The following MYH11 variants were observed in gnomAD, a reference collection of about 807,000 sequenced individuals.
The protein encoded by MYH11 is myosin heavy chain 11.
MYH11 carries 80 observed loss-of-function variants against 246.6 expected under a neutral mutation model. The ratio of observed to expected loss-of-function variants is 0.32; its 90% CI spans 0.27 to 0.39. The LOEUF (loss-of-function observed/expected upper bound fraction) is 0.39, where lower values mean the gene tolerates loss of function less well. MYH11 is among the 10% of genes least tolerant of loss of function. The pLI is 1.00. For synonymous variants in MYH11, 1,071 were observed against 1,015.5 expected (o/e 1.05, Z -1.04); for missense variants, 2,158 against 2,546.8 (o/e 0.85, Z 3.29).
intron 3 of MYH11, among the ~76,000 whole-genome samples, chr16:15,810,715 T>G (rs911374508): frequency 2.6e-5 from 4 of 152,324 alleles, no homozygotes; most frequent in Admixed American, 2.6e-4. Context: ...CCAGGGCCCG[T>G]TTCCTCACCA....
chr16:15,789,276 G>T (rs1021799063), intron 4 of MYH11, among the ~76,000 whole-genome samples: 3 of 152,120 alleles, frequency 2.0e-5, no homozygotes, highest in African/African-American at 7.2e-5. Flanking sequence ...GCTTTCTAAG[G>T]CCAGAAGAAG....
rs1418678410 is a variant in MYH11, at chr16:15,719,718, A to T, written c.4954-5T>A. 2 of 1,614,012 alleles carry T rather than the reference A, an allele frequency of 1.2e-6. No homozygotes were observed. Among genetic ancestry groups the T allele is most frequent in the African/African-American group, 2.7e-5 (2 of 74,930 alleles). Reference sequence around the variant, plus strand: ...TTGAAAGTCCTTCATCTGAGCCTGCATGAGTCAACAGGGAGGACAAGCTCA... The same window carrying T: ...TTGAAAGTCCTTCATCTGAGCCTGCTTGAGTCAACAGGGAGGACAAGCTCA... On this transcript the variant is annotated splice_polypyrimidine_tract_variant and splice_region_variant and intron_variant, in intron 34 of 40. Transcript: ENST00000300036.
rs553732137 is a variant in MYH11 at position 15,831,967 on chromosome 16, G to T, written c.345+5941C>A. On this transcript the variant is annotated intron_variant, in intron 2 of 40. Transcript: ENST00000300036. ...AAAAAAAAAGATCAGAAGGGCTAATGCTTGGGGCTTGACAAAGGGCAGCTT... is the reference window on the plus strand; with the variant it reads ...AAAAAAAAAGATCAGAAGGGCTAATTCTTGGGGCTTGACAAAGGGCAGCTT... Among the ~76,000 whole-genome samples the T allele has an allele frequency of 1.4e-3, 209 of 152,054 alleles. 1 individual carries two copies. The highest frequency in any genetic ancestry group is 4.8e-3 in the African/African-American group (198 of 41,498).
intron 4 of MYH11, among the ~76,000 whole-genome samples, chr16:15,787,481 C>CTTTTTTT (rs370002467): frequency 1.7e-5 from 2 of 116,020 alleles, no homozygotes; most frequent in East Asian, 2.8e-4. Context: ...GAATTATCTA[C>CTTTTTTT]TTTTTTTTTT....
chr16:15,747,077 G>C (rs550789075), intron 19 of MYH11, among the ~76,000 whole-genome samples: 1 of 152,114 alleles, frequency 6.6e-6, no homozygotes, highest in African/African-American at 2.4e-5. Context: ...GACAGAGAGA[G>C]AGAGAGAGAC....
In MYH11 at chr16:15,742,097, A is replaced by G. The variant is rs544937830; in HGVS notation, c.2521-206T>C. ...GTGGGTAGAGGCCAGGGATACTGCT[A>G]AACACCCTACAGTGCACAGGACAGC... On this transcript the variant is annotated intron_variant, in intron 20 of 40. Coordinates refer to ENST00000300036, the MANE Select transcript of MYH11 (RefSeq NM_002474.3). The G allele has an allele frequency of 6.0e-5, 43 of 714,320 alleles. No homozygotes were observed. In the East Asian group the frequency reaches 9.5e-4, roughly 16 times the overall value. The allele number at this position is 714,320 out of a possible 1,614,324, so 44.2% of individuals were successfully genotyped here.
chr16:15,833,142 CA>C (rs1356182902), intron 2 of MYH11, among the ~76,000 whole-genome samples: 3 of 150,370 alleles, frequency 2.0e-5, no homozygotes, highest in African/African-American at 7.3e-5. Flanking sequence ...ACCAAAAACA[CA>C]AAAAAATTAG....
chr16:15,712,145 A>G (rs996057457), intron 40 of MYH11, among the ~76,000 whole-genome samples: 5 of 152,206 alleles, frequency 3.3e-5, no homozygotes. Context: ...GAGAGGAGCC[A>G]GTTTGGGGGT....
At position 15,724,303 on chromosome 16, in the gene MYH11, T is replaced by C. The variant is rs767832212; in HGVS notation, c.4223A>G (p.Tyr1408Cys). ...QKEIENLTQQ[Y>C]EEKAAAYDKL... ...ATCATAAGCGGCCGCCTTCTCCTCG[T>C]ACTGCTGGGTGAGGTTCTCGATCTC... Residue 1408 changes from tyrosine to cysteine, a missense_variant, in exon 31 of 41, where the codon TAC becomes TGC. Coordinates refer to ENST00000300036, the MANE Select transcript of MYH11 (RefSeq NM_002474.3). The C allele has an allele frequency of 6.2e-7, 1 of 1,614,202 alleles. No individual in the cohort carries two copies. Among genetic ancestry groups the C allele is most frequent in the Non-Finnish European group, 8.5e-7 (1 of 1,180,026 alleles).
intron 1 of MYH11, among the ~76,000 whole-genome samples, chr16:15,839,586 C>A (rs1222994060): frequency 6.6e-6 from 1 of 151,472 alleles, no homozygotes. Context: ...CCCAGCTACT[C>A]AGGAGGCTGA....
At chr16:15,717,640 C>G (rs976909752) in intron 37 of MYH11, 23 of 518,254 alleles carry the variant, frequency 4.4e-5, no homozygotes, top group African/African-American at 4.4e-4. Context: ...ATTAAAAATA[C>G]AAAAATTAGC....
At chr16:15,771,146 C>A (rs2042090828) in intron 9 of MYH11, among the ~76,000 whole-genome samples, 2 of 151,438 alleles carry the variant, frequency 1.3e-5, no homozygotes, top group Admixed American at 1.3e-4. Flanking sequence ...AAGTGTGCAC[C>A]ACCAGCCCTG....
intron 9 of MYH11, among the ~76,000 whole-genome samples, chr16:15,767,862 G>A (rs1224019511): frequency 1.3e-5 from 2 of 151,868 alleles, no homozygotes; most frequent in Admixed American, 6.6e-5. Context: ...CAGGACAGAG[G>A]CAAGGAACAG....
At chr16:15,718,983 C>T in intron 36 of MYH11, 1 of 534,640 alleles carries the variant, frequency 1.9e-6, no homozygotes, top group Non-Finnish European at 3.4e-6. Flanking sequence ...TAAAAATTAG[C>T]CAGGCATGGT....
intron 40 of MYH11, among the ~76,000 whole-genome samples, chr16:15,705,478 T>G (rs2039397765): frequency 6.6e-6 from 1 of 152,180 alleles, no homozygotes; most frequent in South Asian, 2.1e-4. Context: ...GCTGCCAGCC[T>G]TCACCGTTCA....
chr16:15,839,421 G>A (rs1489214793), intron 1 of MYH11, among the ~76,000 whole-genome samples: 4 of 152,074 alleles, frequency 2.6e-5, no homozygotes, highest in East Asian at 1.9e-4. Context: ...GGCCGGGCGC[G>A]GTGGCTCACG....
Position 15,732,642 on chromosome 16 carries a change from C to T in MYH11, c.3573G>A (p.Glu1191=). Residue 1191 remains glutamate, a synonymous_variant, in exon 27 of 41, where the codon GAG becomes GAA. Transcript: ENST00000300036. ...KALDEETRSH[E]AQVQEMRQKH... ...TCTGCCTCATCTCCTGGACCTGAGC[C>T]TCATGGGACCGCGTCTCTTCATCCA... is the stretch of plus-strand genomic sequence containing the variant. The T allele has an allele frequency of 6.2e-7, 1 of 1,614,262 alleles. No homozygotes were observed. The highest frequency in any genetic ancestry group is 2.2e-5 in the East Asian group (1 of 44,878).
chr16:15,805,348 T>TATCTCCACATTATCTCCAC (rs2042984660), intron 3 of MYH11, among the ~76,000 whole-genome samples: 1 of 152,134 alleles, frequency 6.6e-6, no homozygotes, highest in Non-Finnish European at 1.5e-5. Context: ...CTCTCCATTT[T>TATCTCCACATTATCTCCAC]AGTAATTATC....
At position 15,756,389 on chromosome 16, in the gene MYH11, C is replaced by A. The variant is rs1415327075; in HGVS notation, c.1701G>T (p.Lys567Asn). 2 of 1,614,160 alleles carry A rather than the reference C, an allele frequency of 1.2e-6. No individual in the cohort carries two copies. The highest frequency in any genetic ancestry group is 1.7e-6 in the Non-Finnish European group (2 of 1,180,036). ...QGSHPKFQKP[K>N]QLKDKTEFSI... Reference sequence around the variant, plus strand: ...AGAACTCAGTCTTGTCCTTGAGCTGCTTGGGCTTCTGGAACTTGGGGTGGC... The same window carrying A: ...AGAACTCAGTCTTGTCCTTGAGCTGATTGGGCTTCTGGAACTTGGGGTGGC... The change falls in exon 14 of 41, where the codon AAG becomes AAT. Residue 567 changes from lysine (K) to asparagine (N), a missense_variant. By Grantham distance (94) the Lys-to-Asn change is moderately conservative. Coordinates refer to ENST00000300036, the MANE Select transcript of MYH11 (RefSeq NM_002474.3).
Sources: gnomAD v4.1 joint callset for allele counts (sites outside exome capture counted in the v4.1 genomes callset) on GRCh38, gnomAD v4.1.1 for gene constraint, MANE v1.5 for transcripts, NCBI Gene and HGNC (gene_info 2026-07-23, HGNC 2026-07-21) for gene names.